Variants in NUP85 observed in about 807,000 individuals in gnomAD.
The protein encoded by NUP85 is nucleoporin 85, also known as nuclear pore complex protein Nup85.
In NUP85, 23 loss-of-function variants were observed where a neutral mutation model predicts 92.8. The ratio of observed to expected loss-of-function variants is 0.25; its 90% CI spans 0.18 to 0.35. The LOEUF is 0.35. Among genes scored for constraint, NUP85 ranks in the 10% least tolerant of loss-of-function variants. NUP85 has a pLI of 1.00. For missense variants in NUP85, 759 were observed against 822.8 expected (o/e 0.92, Z 0.95); for synonymous variants, 314 against 306.9 (o/e 1.02, Z -0.24).
At chr17:75,211,842 A>G (rs1398482286) in intron 3 of NUP85, 150 bp from the exon 4 acceptor site, 5 of 625,408 alleles carry the variant, frequency 8.0e-6, no homozygotes, top group African/African-American at 7.4e-5. Context: ...TTGTTGTCCA[A>G]GTTGTTCCAG....
Position 75,231,439 on chromosome 17 carries a change from G to T in NUP85, c.1178+16G>T. The T allele has an allele frequency of 6.2e-7, 1 of 1,613,786 alleles. No homozygotes were observed. The highest frequency in any genetic ancestry group is 8.5e-7 in the Non-Finnish European group (1 of 1,179,646). ...ACAACCTCTAGTAAGTGGCCGGGAG[G>T]CACCGATCCTCCTCTTCTTACCACC... On this transcript the variant is annotated intron_variant, in intron 12 of 18. Coordinates refer to ENST00000245544, the MANE Select transcript of NUP85 (RefSeq NM_024844.5). The surrounding 1 kb of genome is among the most constrained non-coding windows in gnomAD (Gnocchi z 4.6).
At chr17:75,232,071 C>A in intron 14 of NUP85, 92 bp downstream of exon 14, 2 of 1,397,020 alleles carry the variant, frequency 1.4e-6, no homozygotes, top group Non-Finnish European at 2.0e-6. Context: ...AGCCATCCTC[C>A]TCCTCACGAG....
At chr17:75,219,250 G>A (rs1223849000) in intron 7 of NUP85, among the ~76,000 whole-genome samples, 3 of 152,170 alleles carry the variant, frequency 2.0e-5, no homozygotes, top group African/African-American at 7.2e-5. Context: ...TGGGCCAAAT[G>A]TTTGAGTCTC....
chr17:75,226,235 GTTCC>G, intron 11 of NUP85, 78 bp downstream of exon 11: 5 of 1,166,144 alleles, frequency 4.3e-6, no homozygotes, highest in South Asian at 1.3e-5. Context: ...AGAGTGGCCT[GTTCC>G]TTCCTTACCC....
Position 75,231,466 on chromosome 17 carries a change from G to T in NUP85, c.1178+43G>T. 6.2e-7 allele frequency: 1 copy of T among 1,609,412 alleles called. No homozygotes were observed. Among genetic ancestry groups the T allele is most frequent in the Non-Finnish European group, 8.5e-7 (1 of 1,175,652 alleles). ...ACCGATCCTCCTCTTCTTACCACCAGGCCCCCGAGGGTGGTGTGAACTGAA... is the reference window on the plus strand; with the variant it reads ...ACCGATCCTCCTCTTCTTACCACCATGCCCCCGAGGGTGGTGTGAACTGAA... On this transcript the variant is annotated intron_variant, in intron 12 of 18. Coordinates refer to ENST00000245544, the MANE Select transcript of NUP85 (RefSeq NM_024844.5). The surrounding 1 kb of genome is among the most constrained non-coding windows in gnomAD (Gnocchi z 4.6).
At chr17:75,222,675 C>A (rs184449032) in intron 7 of NUP85, among the ~76,000 whole-genome samples, 3 of 151,914 alleles carry the variant, frequency 2.0e-5, no homozygotes, top group Non-Finnish European at 4.4e-5. Context: ...AATATATAAC[C>A]GATCACTTGT....
intron 1 of NUP85, among the ~76,000 whole-genome samples, chr17:75,207,841 T>C (rs959327880): frequency 2.0e-5 from 3 of 151,828 alleles, no homozygotes; most frequent in South Asian, 2.1e-4. Flanking sequence ...AATACAAAAA[T>C]TAGCCTGGTT....
chr17:75,225,066 C>T (rs1402597814), intron 7 of NUP85, 37 bp from the exon 8 acceptor site: 1 of 1,513,768 alleles, frequency 6.6e-7, no homozygotes, highest in Admixed American at 2.2e-5. Flanking sequence ...AGGGCCAGGC[C>T]TCCTGCCAAT....
At chr17:75,223,725 A>G (rs1388862236) in intron 7 of NUP85, among the ~76,000 whole-genome samples, 1 of 152,002 alleles carries the variant, frequency 6.6e-6, no homozygotes, top group Non-Finnish European at 1.5e-5. Context: ...TTTGAACTGA[A>G]ACTTTTATGA....
At position 75,214,610 on chromosome 17, in the gene NUP85, G is replaced by A. The variant is rs142447874; in HGVS notation, c.406-1144G>A. 8.9e-3 allele frequency among the ~76,000 whole-genome samples: 1,353 copies of A among 152,318 alleles called. 15 individuals carry two copies. The highest frequency in any genetic ancestry group is 0.031 in the African/African-American group (1,272 of 41,558). ...GCAGTGGCTCACGCCTGTAATCCCA[G>A]CACTTTGAGAGGCCGAGGTGGGTGG... is the stretch of plus-strand genomic sequence containing the variant. On this transcript the variant is annotated intron_variant, in intron 5 of 18. Transcript: ENST00000245544.
Position 75,231,971 on chromosome 17 carries a change from CTG to C in NUP85, c.1389_1390del (p.Glu464ThrfsTer7). Reference sequence around the variant, plus strand: ...CGGATCTGTGAGCAGCGGCAGATGACTGAACAAGGTGAGCTGGCCCTGCTCCC... The same window carrying C: ...CGGATCTGTGAGCAGCGGCAGATGACAACAAGGTGAGCTGGCCCTGCTCCC... On this transcript the variant is annotated frameshift_variant, in exon 14 of 19. Transcript: ENST00000245544. LOFTEE classifies it high-confidence loss of function. The surrounding 1 kb of genome is among the most constrained non-coding windows in gnomAD (Gnocchi z 4.6). 1.2e-6 allele frequency: 2 copies of C among 1,614,172 alleles called. No individual in the cohort carries two copies. The highest frequency in any genetic ancestry group is 1.7e-6 in the Non-Finnish European group (2 of 1,180,030).
At chr17:75,207,199 T>A (rs2075111375) in intron 1 of NUP85, among the ~76,000 whole-genome samples, 1 of 151,490 alleles carries the variant, frequency 6.6e-6, no homozygotes, top group Non-Finnish European at 1.5e-5. Context: ...TTTTTTTCTC[T>A]TGAGGCGGAG....
At position 75,218,944 on chromosome 17, in the gene NUP85, G is replaced by C. The variant is rs115979347; in HGVS notation, c.597+638G>C. The stretch of plus-strand genomic sequence containing the variant: ...ATAAAACCAATTGACAGGGGCTGGG[G>C]TGCATACAGGGTTGGATGTAAATGA... On this transcript the variant is annotated intron_variant, in intron 7 of 18. Coordinates refer to ENST00000245544, the MANE Select transcript of NUP85 (RefSeq NM_024844.5). Among the ~76,000 whole-genome samples the C allele has an allele frequency of 3.3e-3, 504 of 152,102 alleles. 1 individual carries two copies. Among genetic ancestry groups the C allele is most frequent in the African/African-American group, 0.012 (489 of 41,494 alleles).
At chr17:75,226,889 G>A in intron 11 of NUP85, 1 of 311,628 alleles carries the variant, frequency 3.2e-6, no homozygotes, top group East Asian at 9.8e-5. Context: ...GTGAGCTACC[G>A]AACCACTGGG....
At position 75,212,095 on chromosome 17, in the gene NUP85, T is replaced by C. The variant is rs765055801; in HGVS notation, c.361+33T>C. The C allele has an allele frequency of 5.1e-6, 7 of 1,375,484 alleles. No homozygotes were observed. The African/African-American group carries it at 8.8e-5, about 17-fold the overall frequency. 85.2% of individuals were successfully genotyped at this position (1,375,484 alleles called of 1,614,324 possible). A position where few individuals can be genotyped will look rare whatever the true frequency, so the allele number is the denominator to read the frequency against. On this transcript the variant is annotated intron_variant, in intron 4 of 18. Coordinates refer to ENST00000245544, the MANE Select transcript of NUP85 (RefSeq NM_024844.5). The stretch of plus-strand genomic sequence containing the variant: ...CTGTGTGCGCGTGCGCGCGTGTGTG[T>C]GTGTGTGTGTGTGTGGGTATTTTGA...
At chr17:75,234,871 T>C (rs577099697) in intron 17 of NUP85, 83 bp downstream of exon 17, 5 of 1,538,014 alleles carry the variant, frequency 3.3e-6, no homozygotes, top group South Asian at 1.1e-5. Context: ...GATGTGCGTG[T>C]TTCCTCCTTT....
intron 5 of NUP85, among the ~76,000 whole-genome samples, chr17:75,213,441 C>T (rs745955328): frequency 6.6e-6 from 1 of 151,198 alleles, no homozygotes; most frequent in Non-Finnish European, 1.5e-5. Context: ...TAGGTGCATG[C>T]CACACCAAGC....
Position 75,213,375 on chromosome 17 carries a change from G to A in NUP85, c.405+256G>A, listed in dbSNP as rs188009302. 7.8e-3 allele frequency among the ~76,000 whole-genome samples: 1,187 copies of A among 151,632 alleles called. 6 individuals are homozygous for A. The highest frequency in any genetic ancestry group is 0.013 in the Non-Finnish European group (854 of 67,878). On this transcript the variant is annotated intron_variant, in intron 5 of 18. Transcript: ENST00000245544. ...GAGTCTTGCTCTGTCACCCAGGCTG[G>A]AGTGCCCTGGGTTCAAGCATTTCTC...
chr17:75,231,791 GC>G lies in NUP85; in HGVS notation c.1245-36del. ...AGGTGCCAGTCCTCGGAGCCATGAG[GC>G]AGCACCTCATGTCTGTCCTCCTCGA... On this transcript the variant is annotated intron_variant, in intron 13 of 18. Coordinates refer to ENST00000245544, the MANE Select transcript of NUP85 (RefSeq NM_024844.5). This position sits in a 1 kb window ranked among gnomAD's most constrained non-coding sequence, Gnocchi z 4.6. 2 of 1,612,614 alleles carry G rather than the reference GC, an allele frequency of 1.2e-6. No homozygotes were observed. Among genetic ancestry groups the G allele is most frequent in the Non-Finnish European group, 1.7e-6 (2 of 1,179,078 alleles).
Sources: gnomAD v4.1 joint callset for allele counts (sites outside exome capture counted in the v4.1 genomes callset) on GRCh38, gnomAD v4.1.1 for gene constraint, Gnocchi (gnomAD v3.1) non-coding constraint, MANE v1.5 for transcripts, NCBI Gene and HGNC (gene_info 2026-07-23, HGNC 2026-07-21) for gene names.